NPTN: variants seen among roughly 807,000 people sequenced by gnomAD.
The protein encoded by NPTN is SDR-1.
Under a neutral mutation model 42.7 loss-of-function variants are expected in NPTN, and 5 were observed. The observed-to-expected ratio is 0.12, with a 90% CI of 0.06 to 0.25. The LOEUF (loss-of-function observed/expected upper bound fraction) is 0.25, where lower values mean the gene tolerates loss of function less well. NPTN is among the 10% of genes least tolerant of loss of function. NPTN has a pLI of 1.00. For missense variants in NPTN, 307 were observed against 525.4 expected, an observed-to-expected ratio of 0.58 and a Z score of 4.06; for synonymous variants, 180 against 201.9, an observed-to-expected ratio of 0.89 and a Z score of 0.92.
chr15:73,629,950 T>C (rs1478226113), intron 1 of NPTN, among the ~76,000 whole-genome samples: 1 of 152,194 alleles, frequency 6.6e-6, no homozygotes, highest in Non-Finnish European at 1.5e-5. Context: ...GTCACTTTTC[T>C]GAGAAAGTTA....
chr15:73,596,663 A>G (rs1270114507), intron 2 of NPTN, among the ~76,000 whole-genome samples: 1 of 152,118 alleles, frequency 6.6e-6, no homozygotes, highest in African/African-American at 2.4e-5. Flanking sequence ...CCCTCCTTGG[A>G]CTGCCTGGTT....
At chr15:73,619,911 A>G (rs919450181) in intron 1 of NPTN, among the ~76,000 whole-genome samples, 4 of 152,226 alleles carry the variant, frequency 2.6e-5, no homozygotes, top group Non-Finnish European at 4.4e-5. Context: ...CATGTACTGT[A>G]CTGGGCATTG....
intron 2 of NPTN, among the ~76,000 whole-genome samples, chr15:73,594,318 G>C (rs188144999): frequency 4.7e-4 from 71 of 152,284 alleles, no homozygotes; most frequent in Non-Finnish European, 7.9e-4. Context: ...CGATGCAAAT[G>C]ACCACTGCAG....
chr15:73,600,765 A>G (rs1335904724), intron 1 of NPTN, among the ~76,000 whole-genome samples: 1 of 152,250 alleles, frequency 6.6e-6, no homozygotes, highest in Admixed American at 6.5e-5. Flanking sequence ...ACATACTATG[A>G]TCACTAACTC....
intron 6 of NPTN, chr15:73,568,170 A>G (rs898009080): frequency 2.0e-6 from 2 of 985,252 alleles, no homozygotes; most frequent in Non-Finnish European, 2.4e-6. Flanking sequence ...AATCCTAACC[A>G]TTTCTCAAAT....
intron 1 of NPTN, among the ~76,000 whole-genome samples, chr15:73,628,598 AC>A (rs1898558556): frequency 6.6e-6 from 1 of 152,142 alleles, no homozygotes; most frequent in Non-Finnish European, 1.5e-5. Context: ...GTTGTAAAAA[AC>A]CTTTACACAG....
chr15:73,598,275 G>A (rs1896919116), intron 1 of NPTN, among the ~76,000 whole-genome samples: 1 of 152,040 alleles, frequency 6.6e-6, no homozygotes, highest in Admixed American at 6.5e-5. Context: ...CAGTTGAATT[G>A]CCTGGCTTCT....
At chr15:73,608,026 C>T (rs942781313) in intron 1 of NPTN, among the ~76,000 whole-genome samples, 1 of 152,194 alleles carries the variant, frequency 6.6e-6, no homozygotes, top group African/African-American at 2.4e-5. Context: ...TAAAGATTCT[C>T]CCAACAGCTG....
chr15:73,567,474 ATATATC>A, intron 6 of NPTN: 2 of 985,384 alleles, frequency 2.0e-6, no homozygotes, highest in South Asian at 9.4e-5. Flanking sequence ...GAGTGTACGT[ATATATC>A]TATATGAAAA....
chr15:73,601,858 G>C (rs983936502), intron 1 of NPTN, among the ~76,000 whole-genome samples: 2 of 152,158 alleles, frequency 1.3e-5, no homozygotes, highest in East Asian at 1.9e-4. Context: ...GATGCTGGAG[G>C]GGGTAGCAGG....
In NPTN at chr15:73,561,998, G is replaced by A. The variant is rs771048224; in HGVS notation, c.1137-28C>T. 5.3e-6 allele frequency: 8 copies of A among 1,506,106 alleles called. No individual in the cohort carries two copies. In the East Asian group the frequency reaches 6.9e-5, roughly 13 times the overall value. 93.3% of individuals were successfully genotyped at this position (1,506,106 alleles called of 1,614,324 possible). A position where few individuals can be genotyped will look rare whatever the true frequency, so the allele number is the denominator to read the frequency against. On this transcript the variant is annotated intron_variant, in intron 7 of 8. Transcript: ENST00000345330. ...TTGGAGGAAAAATTGCATTACATGA[G>A]TTAAACTCAGTCAATAACTTTTCAA...
chr15:73,564,125 C>T (rs1178193402), intron 6 of NPTN, among the ~76,000 whole-genome samples: 1 of 152,218 alleles, frequency 6.6e-6, no homozygotes, highest in African/African-American at 2.4e-5. Context: ...ACTTGATCCC[C>T]TTTAAGCAGA....
At chr15:73,619,275 G>C (rs1898013240) in intron 1 of NPTN, among the ~76,000 whole-genome samples, 1 of 152,074 alleles carries the variant, frequency 6.6e-6, no homozygotes, top group African/African-American at 2.4e-5. Context: ...ACTTTCTGCT[G>C]CTAAAAGCTG....
intron 1 of NPTN, among the ~76,000 whole-genome samples, chr15:73,632,017 T>C (rs1898774721): frequency 6.6e-6 from 1 of 152,092 alleles, no homozygotes; most frequent in African/African-American, 2.4e-5. Context: ...GTCTCTTCTG[T>C]CTTGAAACTT....
chr15:73,601,260 T>C (rs568908462), intron 1 of NPTN, among the ~76,000 whole-genome samples: 74 of 152,080 alleles, frequency 4.9e-4, no homozygotes, highest in African/African-American at 1.5e-3. Flanking sequence ...AACTAAGGAA[T>C]TCCTTGATAG....
intron 2 of NPTN, among the ~76,000 whole-genome samples, chr15:73,594,763 G>T (rs1363080295): frequency 6.6e-6 from 1 of 152,078 alleles, no homozygotes; most frequent in African/African-American, 2.4e-5. Flanking sequence ...TAAAGAACAT[G>T]CTATGGCCAG....
chr15:73,560,070 A>AT lies in NPTN; in HGVS notation c.*992dup, dbSNP rs1279135388. The AT allele has an allele frequency of 1.3e-5, 8 of 601,788 alleles. No individual in the cohort carries two copies. The highest frequency in any genetic ancestry group is 3.4e-5 in the East Asian group (1 of 29,778). 37.3% of individuals were successfully genotyped at this position (601,788 alleles called of 1,614,324 possible). A position where few individuals can be genotyped will look rare whatever the true frequency, so the allele number is the denominator to read the frequency against. ...AGGTGAATCCACTTTTTTATACATC[A>AT]TTGCACTTCAATAATTACACAAAAC... On this transcript the variant is annotated 3_prime_UTR_variant, in exon 9 of 9. Coordinates refer to ENST00000345330, the MANE Select transcript of NPTN (RefSeq NM_012428.4).
Position 73,571,878 on chromosome 15 carries a change from C to T in NPTN, c.841-1455G>A, listed in dbSNP as rs141159182. 4.4e-3 allele frequency among the ~76,000 whole-genome samples: 674 copies of T among 152,346 alleles called. 6 individuals are homozygous for T. Among genetic ancestry groups the T allele is most frequent in the African/African-American group, 0.015 (618 of 41,584 alleles). On this transcript the variant is annotated intron_variant, in intron 5 of 8. Transcript: ENST00000345330. ...GGGAACTCGTAAGCTTTTAAAACAGCTAGTCTGTGATGCCTCAAGCTTCAT... is the reference window on the plus strand; with the variant it reads ...GGGAACTCGTAAGCTTTTAAAACAGTTAGTCTGTGATGCCTCAAGCTTCAT...
At chr15:73,608,447 A>C (rs1897392614) in intron 1 of NPTN, among the ~76,000 whole-genome samples, 1 of 152,210 alleles carries the variant, frequency 6.6e-6, no homozygotes, top group South Asian at 2.1e-4. Context: ...AAGAGGAAAC[A>C]CCATGAGCAC....
Sources: gnomAD v4.1 joint callset for allele counts (sites outside exome capture counted in the v4.1 genomes callset) on GRCh38, gnomAD v4.1.1 for gene constraint, MANE v1.5 for transcripts, NCBI Gene and HGNC (gene_info 2026-07-23, HGNC 2026-07-21) for gene names.